The following ATP13A5 variants were observed in gnomAD, a reference collection of about 807,000 sequenced individuals.
ATP13A5 encodes probable cation-transporting ATPase 13A5.
Under a neutral mutation model 150.2 loss-of-function variants are expected in ATP13A5, and 149 were observed. The ratio of observed to expected loss-of-function variants is 0.99; its 90% confidence interval spans 0.87 to 1.14. The LOEUF (loss-of-function observed/expected upper bound fraction) is 1.14. Ranked by LOEUF, ATP13A5 falls within the 50% of genes most tolerant of loss-of-function variation. The pLI, the probability that ATP13A5 is intolerant of heterozygous loss-of-function variation, is 0.00. For missense variants in ATP13A5, 1,383 were observed against 1,449.3 expected (o/e 0.95, Z 0.74); for synonymous variants, 497 against 522.2 (o/e 0.95, Z 0.66).
intron 25 of ATP13A5, among the ~76,000 whole-genome samples, chr3:193,292,269 A>G (rs1446729773): frequency 6.6e-6 from 1 of 152,150 alleles, no homozygotes; most frequent in Non-Finnish European, 1.5e-5. Flanking sequence ...GTATTCCAGT[A>G]TCCAAAGCAG....
Position 193,314,480 on chromosome 3 carries a change from A to G in ATP13A5, c.2159-287T>C, listed in dbSNP as rs901949588. 8.4e-6 allele frequency: 3 copies of G among 355,148 alleles called. No individual in the cohort carries two copies. In the South Asian group the frequency reaches 1.2e-4, roughly 15 times the overall value. The allele number at this position is 355,148 out of a possible 1,614,324, so 22.0% of individuals were successfully genotyped here. A position where few individuals can be genotyped will look rare whatever the true frequency, so the allele number is the denominator to read the frequency against. On this transcript the variant is annotated intron_variant, in intron 18 of 29. Transcript: ENST00000342358. The stretch of plus-strand genomic sequence containing the variant: ...ATGACCAATCCTCAGAAGACAGACA[A>G]CTCTTAGTGGAGAATATAGCATGAT...
intron 9 of ATP13A5, among the ~76,000 whole-genome samples, chr3:193,336,770 T>C (rs886283607): frequency 6.6e-6 from 1 of 152,318 alleles, no homozygotes; most frequent in Non-Finnish European, 1.5e-5. Context: ...GATGGCTGGG[T>C]CAAATGGTAT....
chr3:193,377,865 A>T (rs1713697133), intron 1 of ATP13A5, among the ~76,000 whole-genome samples: 1 of 152,210 alleles, frequency 6.6e-6, no homozygotes, highest in South Asian at 2.1e-4. Flanking sequence ...CAGGATGTGG[A>T]GAAGGAGTCG....
intron 26 of ATP13A5, among the ~76,000 whole-genome samples, chr3:193,289,110 T>G (rs1294133624): frequency 6.6e-6 from 1 of 152,174 alleles, no homozygotes; most frequent in African/African-American, 2.4e-5. Flanking sequence ...TACTGATTTC[T>G]GGTGCTCTGT....
intron 17 of ATP13A5, among the ~76,000 whole-genome samples, chr3:193,317,568 T>C (rs140365175): frequency 7.0e-4 from 107 of 152,306 alleles, no homozygotes; most frequent in African/African-American, 2.4e-3. Context: ...TCAAAAAACT[T>C]TTCTACTTCC....
intron 11 of ATP13A5, among the ~76,000 whole-genome samples, 198 bp from the exon 12 acceptor site, chr3:193,331,509 G>A (rs1201353946): frequency 6.6e-6 from 1 of 152,078 alleles, no homozygotes; most frequent in Non-Finnish European, 1.5e-5. Flanking sequence ...TTGACTGTTG[G>A]CTTATGAATC....
intron 5 of ATP13A5, among the ~76,000 whole-genome samples, chr3:193,355,372 G>A (rs962356639): frequency 6.6e-6 from 1 of 152,038 alleles, no homozygotes; most frequent in African/African-American, 2.4e-5. Context: ...CTCAAGCTCC[G>A]ATAAACCAAG....
chr3:193,369,393 G>A (rs1012041057), intron 1 of ATP13A5, among the ~76,000 whole-genome samples: 1 of 152,174 alleles, frequency 6.6e-6, no homozygotes, highest in African/African-American at 2.4e-5. Flanking sequence ...AGGATCGTTT[G>A]AGCCCAGGAG....
At chr3:193,374,514 G>T (rs538148730) in intron 1 of ATP13A5, among the ~76,000 whole-genome samples, 1 of 152,000 alleles carries the variant, frequency 6.6e-6, no homozygotes, top group Non-Finnish European at 1.5e-5. Context: ...CTGTTGTAGC[G>T]CATGCCTTTG....
At chr3:193,281,450 G>GGTTAGTTTC (rs1195512548) in intron 27 of ATP13A5, among the ~76,000 whole-genome samples, 1 of 152,216 alleles carries the variant, frequency 6.6e-6, no homozygotes, top group African/African-American at 2.4e-5. Flanking sequence ...AGTTGCTGCT[G>GGTTAGTTTC]CTGAGGAAAC....
chr3:193,373,955 G>A (rs537231831), intron 1 of ATP13A5, among the ~76,000 whole-genome samples: 4 of 152,274 alleles, frequency 2.6e-5, no homozygotes, highest in Admixed American at 1.3e-4. Flanking sequence ...TTTGTTGGTG[G>A]GTGTCTGTGC....
intron 19 of ATP13A5, 61 bp downstream of exon 19, chr3:193,313,972 A>T: frequency 6.4e-7 from 1 of 1,553,758 alleles, no homozygotes; most frequent in South Asian, 1.2e-5. Flanking sequence ...AAGGCTGAGC[A>T]GTGCCAGGAC....
chr3:193,362,566 C>T lies in ATP13A5; in HGVS notation c.455+1G>A, dbSNP rs1713055576. ...AAGGGGTGACAAAACATTGTACTTA[C>T]CCAACTTTCTGAAACCGCTTCTCCA... On this transcript the variant is annotated splice_donor_variant, in intron 4 of 29. Transcript: ENST00000342358. LOFTEE classifies it high-confidence loss of function. 6.2e-7 allele frequency: 1 copy of T among 1,613,986 alleles called. No individual in the cohort carries two copies.
At chr3:193,364,315 C>A (rs532260936) in intron 1 of ATP13A5, 35 bp from the exon 2 acceptor site, 1 of 1,594,866 alleles carries the variant, frequency 6.3e-7, no homozygotes, top group African/African-American at 1.3e-5. Flanking sequence ...CTCTATTTTT[C>A]TTTTCTTCAC....
In ATP13A5 at chr3:193,315,021, C is replaced by A; in HGVS notation, c.2109G>T (p.Leu703=). ...MENRLKKETK[L]VLKELSEARI... Reference sequence around the variant, plus strand: ...GGGCCTCACTCAGTTCCTTCAAGACCAGTTTGGTTTCTTTTTTCAAGCGAT... The same window carrying A: ...GGGCCTCACTCAGTTCCTTCAAGACAAGTTTGGTTTCTTTTTTCAAGCGAT... Residue 703 remains leucine, a synonymous_variant, in exon 18 of 30, where the codon CTG becomes CTT. Coordinates refer to ENST00000342358, the MANE Select transcript of ATP13A5 (RefSeq NM_198505.4). The A allele has an allele frequency of 6.2e-7, 1 of 1,610,392 alleles. No individual in the cohort carries two copies. The highest frequency in any genetic ancestry group is 1.7e-4 in the Middle Eastern group (1 of 6,024).
At chr3:193,342,973 T>G (rs1712186995) in intron 9 of ATP13A5, among the ~76,000 whole-genome samples, 1 of 152,144 alleles carries the variant, frequency 6.6e-6, no homozygotes, top group Admixed American at 6.5e-5. Context: ...TTCAACACAT[T>G]AAAGGAGTAT....
At chr3:193,296,704 T>C (rs941105584) in intron 25 of ATP13A5, among the ~76,000 whole-genome samples, 1 of 152,148 alleles carries the variant, frequency 6.6e-6, no homozygotes, top group African/African-American at 2.4e-5. Context: ...TTTAAAATAG[T>C]TTCTTCTAAT....
intron 27 of ATP13A5, among the ~76,000 whole-genome samples, chr3:193,283,760 G>A (rs79925272): frequency 0.029 from 4,435 of 151,916 alleles, 104 homozygotes; most frequent in East Asian, 0.12. Context: ...AAGGAAATAA[G>A]AGGCTAAGTC....
At chr3:193,339,919 G>A (rs1301970648) in intron 9 of ATP13A5, among the ~76,000 whole-genome samples, 4 of 152,256 alleles carry the variant, frequency 2.6e-5, no homozygotes, top group African/African-American at 9.6e-5. Flanking sequence ...ATCAGTAATG[G>A]AAGTCATTTG....
Sources: gnomAD v4.1 joint callset for allele counts (sites outside exome capture counted in the v4.1 genomes callset) on GRCh38, gnomAD v4.1.1 for gene constraint, MANE v1.5 for transcripts, NCBI Gene and HGNC (gene_info 2026-07-23, HGNC 2026-07-21) for gene names.